The following TCAF1 variants were observed in gnomAD, a reference collection of about 807,000 sequenced individuals.
The protein encoded by TCAF1 is TRPM8 channel associated factor 1.
TCAF1 carries 4 observed loss-of-function variants against 27.3 expected under a neutral mutation model. The ratio of observed to expected loss-of-function variants is 0.15; its 90% confidence interval spans 0.07 to 0.34. TCAF1 has a LOEUF of 0.34. Ranked by LOEUF, TCAF1 falls within the 10% of genes least tolerant of loss-of-function variation. TCAF1 has a pLI of 1.00. For synonymous variants in TCAF1, 105 were observed against 167.1 expected (o/e 0.63, Z 2.87); for missense variants, 257 against 425.8 (o/e 0.60, Z 3.49).
chr7:143,896,505 A>T (rs1031873325), intron 1 of TCAF1, among the ~76,000 whole-genome samples: 15 of 152,108 alleles, frequency 9.9e-5, no homozygotes, highest in African/African-American at 3.6e-4. Flanking sequence ...AACATCATGT[A>T]ATTACAGACT....
At chr7:143,895,107 CTTATATATAT>C (rs1813812271) in intron 1 of TCAF1, among the ~76,000 whole-genome samples, 1 of 151,740 alleles carries the variant, frequency 6.6e-6, no homozygotes, top group Non-Finnish European at 1.5e-5. Flanking sequence ...AGCTGATGAA[CTTATATATAT>C]TTCTGATGGG....
chr7:143,899,380 A>C (rs1055429690), intron 1 of TCAF1, among the ~76,000 whole-genome samples: 3 of 152,222 alleles, frequency 2.0e-5, no homozygotes, highest in African/African-American at 7.2e-5. Context: ...GAAAATAAGA[A>C]TGGGGGCTTA....
intron 1 of TCAF1, among the ~76,000 whole-genome samples, chr7:143,884,727 G>A (rs1016309790): frequency 1.3e-5 from 2 of 150,756 alleles, no homozygotes; most frequent in Non-Finnish European, 2.9e-5. Flanking sequence ...GGGTTTTTAA[G>A]TGTTTTATTT....
At chr7:143,860,020 TTATATATTATATATATAATATATAA>T (rs1219657014) in intron 6 of TCAF1, among the ~76,000 whole-genome samples, 163 bp downstream of exon 6, 424 of 13,710 alleles carry the variant, frequency 0.031, 75 homozygotes, top group African/African-American at 0.065. Context: ...ATAATATATA[TTATATATTATATATATAATATATAA>T]TATATATTAT....
intron 1 of TCAF1, among the ~76,000 whole-genome samples, chr7:143,878,393 C>T (rs1314066853): frequency 6.6e-6 from 1 of 152,160 alleles, no homozygotes; most frequent in Non-Finnish European, 1.5e-5. Flanking sequence ...CTATTACATT[C>T]ATTTCTCATA....
chr7:143,887,480 T>C (rs1305779441), intron 1 of TCAF1, among the ~76,000 whole-genome samples: 1 of 152,168 alleles, frequency 6.6e-6, no homozygotes, highest in African/African-American at 2.4e-5. Flanking sequence ...TTTAGACACT[T>C]TGGATTTTGA....
In TCAF1 at chr7:143,859,900, TATAATATATATTAC is replaced by T. The variant is rs1303318803; in HGVS notation, c.2167+294_2167+307del. On this transcript the variant is annotated intron_variant, in intron 6 of 8. Coordinates refer to ENST00000479870, the MANE Select transcript of TCAF1 (RefSeq NM_014719.3). ...ATATACATATATATAATATATATTATATAATATATATTACGGAATATATATTATATAATATATAT... is the reference window on the plus strand; with the variant it reads ...ATATACATATATATAATATATATTATGGAATATATATTATATAATATATAT... 6.4e-3 allele frequency among the ~76,000 whole-genome samples: 365 copies of T among 57,126 alleles called. 2 individuals are homozygous for T. The highest frequency in any genetic ancestry group is 8.6e-3 in the Middle Eastern group (1 of 116). 37.5% of individuals were successfully genotyped at this position (57,126 alleles called of 152,430 possible).
At chr7:143,877,312 G>A (rs1000919437) in intron 1 of TCAF1, among the ~76,000 whole-genome samples, 3 of 152,086 alleles carry the variant, frequency 2.0e-5, no homozygotes, top group South Asian at 2.1e-4. Flanking sequence ...ACAGTGGTGC[G>A]GCATGTTGTG....
At chr7:143,889,301 C>T (rs1813545498) in intron 1 of TCAF1, among the ~76,000 whole-genome samples, 2 of 152,168 alleles carry the variant, frequency 1.3e-5, no homozygotes, top group African/African-American at 2.4e-5. Flanking sequence ...CACCAATCCT[C>T]AGATCCAGGG....
At chr7:143,885,690 T>C (rs1813367441) in intron 1 of TCAF1, 1 of 378,358 alleles carries the variant, frequency 2.6e-6, no homozygotes, top group Non-Finnish European at 3.6e-6. Context: ...TCTATCTATA[T>C]ATTTATATAT....
chr7:143,900,301 A>G (rs1046776649), intron 1 of TCAF1, among the ~76,000 whole-genome samples: 3 of 151,934 alleles, frequency 2.0e-5, no homozygotes, highest in Admixed American at 6.6e-5. Context: ...TAAAATGGCA[A>G]AAATAATGGG....
At chr7:143,889,062 A>T (rs770884372) in intron 1 of TCAF1, among the ~76,000 whole-genome samples, 47 of 152,220 alleles carry the variant, frequency 3.1e-4, no homozygotes, top group Non-Finnish European at 5.9e-4. Flanking sequence ...AAGATTAAAC[A>T]AAGTTGAAGA....
intron 1 of TCAF1, among the ~76,000 whole-genome samples, chr7:143,895,344 G>A (rs1813825879): frequency 6.6e-6 from 1 of 151,790 alleles, no homozygotes; most frequent in South Asian, 2.1e-4. Flanking sequence ...AAAAAGTACT[G>A]CTATATGCCA....
At position 143,886,866 on chromosome 7, in the gene TCAF1, ATTTT is replaced by A. The variant is rs56317170; in HGVS notation, c.-14-10248_-14-10245del. Among the ~76,000 whole-genome samples the A allele has an allele frequency of 3.2e-3, 366 of 114,886 alleles. 2 individuals are homozygous for A. The highest frequency in any genetic ancestry group is 9.2e-3 in the African/African-American group (294 of 31,878). 75.4% of individuals were successfully genotyped at this position (114,886 alleles called of 152,430 possible). ...GCCATCATGCCCAGGGAGTTTTTGT[ATTTT>A]TTTTTTTTTTTTTTTCTGTAGAGAT... On this transcript the variant is annotated intron_variant, in intron 1 of 8. Transcript: ENST00000479870.
At chr7:143,877,492 C>A (rs1812781932) in intron 1 of TCAF1, among the ~76,000 whole-genome samples, 1 of 152,202 alleles carries the variant, frequency 6.6e-6, no homozygotes, top group Non-Finnish European at 1.5e-5. Context: ...AAATGCAAGT[C>A]TCACATAACC....
intron 1 of TCAF1, among the ~76,000 whole-genome samples, chr7:143,886,100 T>C (rs1277265780): frequency 6.6e-6 from 1 of 152,214 alleles, no homozygotes; most frequent in Non-Finnish European, 1.5e-5. Flanking sequence ...GACCAGGTCC[T>C]GCACTCGCAT....
intron 1 of TCAF1, among the ~76,000 whole-genome samples, chr7:143,897,991 C>T (rs1813964279): frequency 6.6e-6 from 1 of 151,992 alleles, no homozygotes; most frequent in Non-Finnish European, 1.5e-5. Flanking sequence ...TATCCACATA[C>T]AGAAATTACT....
intron 1 of TCAF1, among the ~76,000 whole-genome samples, chr7:143,897,107 AAC>A (rs1200842879): frequency 1.3e-4 from 18 of 133,994 alleles, no homozygotes; most frequent in East Asian, 2.2e-4. Context: ...GGATTTTATA[AAC>A]AGTTTTATTT....
Position 143,851,896 on chromosome 7 carries a change from A to G in TCAF1, c.*2237T>C, listed in dbSNP as rs1811313473. On this transcript the variant is annotated 3_prime_UTR_variant, in exon 9 of 9. Transcript: ENST00000479870. ...TTCTGCTTTCTTTCCCTTTGTCAGC[A>G]TTAATTACTTTCAACTTCAGTTCTG... The G allele has an allele frequency of 3.3e-5, 5 of 152,052 alleles. No individual in the cohort carries two copies. The highest frequency in any genetic ancestry group is 2.6e-4 in the Admixed American group (4 of 15,272). The allele number at this position is 152,052 out of a possible 1,614,324, so 9.4% of individuals were successfully genotyped here. A position where few individuals can be genotyped will look rare whatever the true frequency, so the allele number is the denominator to read the frequency against.
Sources: gnomAD v4.1 joint callset for allele counts (sites outside exome capture counted in the v4.1 genomes callset) on GRCh38, gnomAD v4.1.1 for gene constraint, MANE v1.5 for transcripts, NCBI Gene and HGNC (gene_info 2026-07-23, HGNC 2026-07-21) for gene names.